TOR3A: variants seen among roughly 807,000 people sequenced by gnomAD.
The protein encoded by TOR3A is torsin family 3 member A.
TOR3A carries 44 observed loss-of-function variants against 42.1 expected under a neutral mutation model. That is an observed-to-expected ratio of 1.04 (90% CI 0.82 to 1.34). The LOEUF (loss-of-function observed/expected upper bound fraction) is 1.34, where lower values mean the gene tolerates loss of function less well. Ranked by LOEUF, TOR3A falls within the 40% of genes most tolerant of loss-of-function variation. The pLI, the probability that TOR3A is intolerant of heterozygous loss-of-function variation, is 0.00. For synonymous variants in TOR3A, 227 were observed against 213.2 expected (o/e 1.06, Z -0.57); for missense variants, 521 against 507.6 (o/e 1.03, Z -0.25).
At chr1:179,084,463 A>C (rs920921801) in intron 2 of TOR3A, among the ~76,000 whole-genome samples, 3 of 152,012 alleles carry the variant, frequency 2.0e-5, no homozygotes, top group African/African-American at 7.2e-5. Context: ...TGACCTCGTG[A>C]TCCGCCCGCC....
intron 5 of TOR3A, among the ~76,000 whole-genome samples, chr1:179,094,649 C>G (rs560172736): frequency 6.6e-6 from 1 of 152,206 alleles, no homozygotes; most frequent in East Asian, 1.9e-4. Flanking sequence ...GAGGCTGAGG[C>G]GGGCGGATCA....
Position 179,094,177 on chromosome 1 carries a change from C to T in TOR3A, c.903C>T (p.His301=), listed in dbSNP as rs145238611. The T allele has an allele frequency of 5.6e-6, 9 of 1,613,968 alleles. No individual in the cohort carries two copies. In the South Asian group the frequency reaches 7.7e-5, roughly 14 times the overall value. Reference sequence around the variant, plus strand: ...CCCGGGAAGAAATTACGATGGAACACCTGGAGCCCCACCTCCAGGCGGAGA... The same window carrying T: ...CCCGGGAAGAAATTACGATGGAACATCTGGAGCCCCACCTCCAGGCGGAGA... ...GWSREEITME[H]LEPHLQAEIV... The change falls in exon 5 of 6, where the codon CAC becomes CAT. Residue 301 remains histidine (H), a synonymous_variant. Transcript: ENST00000367627.
In TOR3A at chr1:179,085,832, G is replaced by A. The variant is rs545106797; in HGVS notation, c.578G>A (p.Cys193Tyr). ...NLYRDGLMSD[C>Y]VRMFIATFHF... ...TATCGGGACGGGCTGATGAGTGACT[G>A]TGTCAGGATGTTCATCGCCACGTTC... Residue 193 changes from cysteine (C) to tyrosine (Y), a missense_variant, in exon 3 of 6, where the codon TGT (cysteine) becomes TAT (tyrosine). Physicochemically the swap from Cys to Tyr is radical, Grantham distance 194. Coordinates refer to ENST00000367627, the MANE Select transcript of TOR3A (RefSeq NM_022371.4). The A allele has an allele frequency of 5.5e-5, 88 of 1,614,058 alleles. No individual in the cohort carries two copies. The highest frequency in any genetic ancestry group is 7.4e-5 in the Non-Finnish European group (87 of 1,180,058).
chr1:179,094,345 C>A, intron 5 of TOR3A, 128 bp downstream of exon 5: 1 of 1,218,316 alleles, frequency 8.2e-7, no homozygotes, highest in Non-Finnish European at 1.1e-6. Flanking sequence ...ATAATCATCT[C>A]ACATTGTCAA....
chr1:179,095,909 G>A lies in TOR3A; in HGVS notation c.*691G>A, dbSNP rs1156793471. On this transcript the variant is annotated 3_prime_UTR_variant, in exon 6 of 6. Coordinates refer to ENST00000367627, the MANE Select transcript of TOR3A (RefSeq NM_022371.4). Reference sequence around the variant, plus strand: ...ATGGTCTACAGATTTTGGCGGGGGAGGGGGGACCTTTTCAAAGACAATAGG... The same window carrying A: ...ATGGTCTACAGATTTTGGCGGGGGAAGGGGGACCTTTTCAAAGACAATAGG... 1 of 984,840 alleles carries A rather than the reference G, an allele frequency of 1.0e-6. No individual in the cohort carries two copies. The highest frequency in any genetic ancestry group is 1.8e-5 in the African/African-American group (1 of 57,088). The allele number at this position is 984,840 out of a possible 1,614,324, so 61.0% of individuals were successfully genotyped here. A position where few individuals can be genotyped will look rare whatever the true frequency, so the allele number is the denominator to read the frequency against.
At position 179,095,718 on chromosome 1, in the gene TOR3A, G is replaced by A. The variant is rs956074142; in HGVS notation, c.*500G>A. 3.2e-5 allele frequency: 32 copies of A among 993,040 alleles called. No homozygotes were observed. In the Admixed American group the frequency reaches 1.3e-3, roughly 40 times the overall value. The allele number at this position is 993,040 out of a possible 1,614,324, so 61.5% of individuals were successfully genotyped here. On this transcript the variant is annotated 3_prime_UTR_variant, in exon 6 of 6. Transcript: ENST00000367627. ...GAACGAAGTTCTGTGACCCAGGGGT[G>A]GAGAATACACTCTAGGTTTGCAGGC...
intron 2 of TOR3A, among the ~76,000 whole-genome samples, chr1:179,083,941 CA>C (rs1652366513): frequency 6.6e-6 from 1 of 152,042 alleles, no homozygotes; most frequent in Admixed American, 6.6e-5. Context: ...CTTAATTGGC[CA>C]AAATGCCAAT....
chr1:179,094,989 G>A lies in TOR3A; in HGVS notation c.965G>A (p.Arg322His), dbSNP rs141551645. 2.2e-4 allele frequency: 355 copies of A among 1,614,030 alleles called. No homozygotes were observed. The highest frequency in any genetic ancestry group is 2.6e-4 in the Non-Finnish European group (305 of 1,180,044). The change falls in exon 6 of 6, where the codon CGT (arginine) becomes CAT (histidine). Residue 322 changes from arginine (R) to histidine (H), a missense_variant. By Grantham distance (29) the Arg-to-His change is conservative. Coordinates refer to ENST00000367627, the MANE Select transcript of TOR3A (RefSeq NM_022371.4). ...ETIDNGFGHS[R>H]LVKENLIDYF... ...TCAGACAATGGCTTTGGCCACAGCCGTCTTGTGAAGGAAAACCTGATTGAC... is the reference window on the plus strand; with the variant it reads ...TCAGACAATGGCTTTGGCCACAGCCATCTTGTGAAGGAAAACCTGATTGAC...
Position 179,090,552 on chromosome 1 carries a change from T to C in TOR3A, c.818+2463T>C, listed in dbSNP as rs79560806. ...GCACGAAGGAAGAGCAGCAGTTTAA[T>C]TCTGAAATAAATCCTAAACCTGCTG... On this transcript the variant is annotated intron_variant, in intron 4 of 5. Coordinates refer to ENST00000367627, the MANE Select transcript of TOR3A (RefSeq NM_022371.4). 0.015 allele frequency among the ~76,000 whole-genome samples: 2,279 copies of C among 152,342 alleles called. 123 individuals are homozygous for C. The East Asian group carries it at 0.16, about 11-fold the overall frequency.
At position 179,087,985 on chromosome 1, in the gene TOR3A, G is replaced by C; in HGVS notation, c.714G>C (p.Glu238Asp). ...HQTLFIFDEAEKLHPGLLEVL... is the reference protein window; with the variant it reads ...HQTLFIFDEADKLHPGLLEVL... ...CCCTGTTCATCTTCGATGAAGCGGA[G>C]AAGCTGCACCCAGGGCTGCTGGAGG... Residue 238 changes from glutamate (E) to aspartate (D), a missense_variant, in exon 4 of 6, where the codon GAG becomes GAC. Glu to Asp is a conservative substitution (Grantham distance 45). Coordinates refer to ENST00000367627, the MANE Select transcript of TOR3A (RefSeq NM_022371.4). The C allele has an allele frequency of 1.2e-6, 2 of 1,613,442 alleles. No homozygotes were observed. Among genetic ancestry groups the C allele is most frequent in the East Asian group, 2.2e-5 (1 of 44,816 alleles).
chr1:179,082,860 C>A, intron 1 of TOR3A, 80 bp from the exon 2 acceptor site: 1 of 939,400 alleles, frequency 1.1e-6, no homozygotes, highest in Non-Finnish European at 1.7e-6. Flanking sequence ...CTGTCCCTGA[C>A]AAGTTGTGTG....
intron 2 of TOR3A, among the ~76,000 whole-genome samples, chr1:179,084,799 C>T (rs1253587324): frequency 6.6e-6 from 1 of 152,220 alleles, no homozygotes; most frequent in African/African-American, 2.4e-5. Context: ...GCTGGCCGCA[C>T]ACCCTGCCTG....
At chr1:179,093,744 C>T (rs946924908) in intron 4 of TOR3A, among the ~76,000 whole-genome samples, 2 of 152,196 alleles carry the variant, frequency 1.3e-5, no homozygotes, top group African/African-American at 4.8e-5. Flanking sequence ...CTCAGTCACT[C>T]CTCCATTAGC....
rs1652670658 is a variant in TOR3A at position 179,094,134 on chromosome 1, T to G, written c.860T>G (p.Leu287Trp). 1.2e-6 allele frequency: 2 copies of G among 1,613,972 alleles called. No individual in the cohort carries two copies. The highest frequency in any genetic ancestry group is 1.7e-6 in the Non-Finnish European group (2 of 1,179,982). ...ATAATCAATGAGGTGGTCCTAAAGT[T>G]GCTCAAGGCTGGATGGTCCCGGGAA... ...GDIINEVVLK[L>W]LKAGWSREEI... The change falls in exon 5 of 6, where the codon TTG becomes TGG. Residue 287 changes from leucine (L) to tryptophan (W), a missense_variant. By Grantham distance (61) the Leu-to-Trp change is moderately conservative. Coordinates refer to ENST00000367627, the MANE Select transcript of TOR3A (RefSeq NM_022371.4).
rs1294846540 is a variant in TOR3A, at chr1:179,082,381, C to A, written c.253C>A (p.Pro85Thr). Reference protein sequence around the residue: ...CDEDEEAATGPLGWRLPLLGQ... With the variant: ...CDEDEEAATGTLGWRLPLLGQ... The stretch of plus-strand genomic sequence containing the variant: ...CGAGGACGAGGAGGCAGCCACGGGG[C>A]CCCTGGGTAAGACCCCGTCCCCACG... The change falls in exon 1 of 6, where the codon CCC becomes ACC. Residue 85 changes from proline (P) to threonine (T), a missense_variant. By Grantham distance (38) the Pro-to-Thr change is conservative. Coordinates refer to ENST00000367627, the MANE Select transcript of TOR3A (RefSeq NM_022371.4). The A allele has an allele frequency of 6.2e-7, 1 of 1,603,784 alleles. No individual in the cohort carries two copies. The highest frequency in any genetic ancestry group is 1.7e-5 in the Admixed American group (1 of 59,110).
intron 4 of TOR3A, among the ~76,000 whole-genome samples, chr1:179,092,653 C>T (rs1478084844): frequency 1.3e-5 from 2 of 152,136 alleles, no homozygotes; most frequent in African/African-American, 4.8e-5. Context: ...TTGAGACCAG[C>T]CTGGCCAACA....
chr1:179,082,579 C>A (rs1043542670), intron 1 of TOR3A, 192 bp downstream of exon 1: 13 of 862,366 alleles, frequency 1.5e-5, no homozygotes, highest in Non-Finnish European at 2.2e-5. Flanking sequence ...TTGCCCCACC[C>A]GCGTCCCCTG....
chr1:179,092,580 G>A (rs1652619793), intron 4 of TOR3A, among the ~76,000 whole-genome samples: 1 of 152,010 alleles, frequency 6.6e-6, no homozygotes, highest in Non-Finnish European at 1.5e-5. Context: ...TTTAAAAATA[G>A]GGCCGGGCAC....
rs149563285 is a variant in TOR3A at position 179,082,992 on chromosome 1, G to T, written c.312G>T (p.Trp104Cys). Reference protein sequence around the residue: ...GQRYLDLLTTWYCSFKDCCPR... With the variant: ...GQRYLDLLTTCYCSFKDCCPR... ...GGTACCTGGACCTCCTGACCACGTG[G>T]TACTGCAGCTTCAAAGACTGCTGCC... Residue 104 changes from tryptophan (W) to cysteine (C), a missense_variant, in exon 2 of 6, where the codon TGG becomes TGT. Transcript: ENST00000367627. 6 of 1,590,078 alleles carry T rather than the reference G, an allele frequency of 3.8e-6. No individual in the cohort carries two copies. The highest frequency in any genetic ancestry group is 2.6e-6 in the Non-Finnish European group (3 of 1,169,014).
Sources: gnomAD v4.1 joint callset for allele counts (sites outside exome capture counted in the v4.1 genomes callset) on GRCh38, gnomAD v4.1.1 for gene constraint, MANE v1.5 for transcripts, NCBI Gene and HGNC (gene_info 2026-07-23, HGNC 2026-07-21) for gene names.